Variants in PHYHIPL observed in about 807,000 individuals in gnomAD.
PHYHIPL encodes phytanoyl-CoA 2-hydroxylase interacting protein like.
Under a neutral mutation model 33.4 loss-of-function variants are expected in PHYHIPL, and 9 were observed. The ratio of observed to expected loss-of-function variants is 0.27; its 90% CI spans 0.16 to 0.47. The LOEUF (loss-of-function observed/expected upper bound fraction) is 0.47. Ranked by LOEUF, PHYHIPL falls within the 20% of genes least tolerant of loss-of-function variation. PHYHIPL has a pLI of 0.99. For missense variants in PHYHIPL, 365 were observed against 460.7 expected, an observed-to-expected ratio of 0.79 and a Z score of 1.90; for synonymous variants, 153 against 154.1, an observed-to-expected ratio of 0.99 and a Z score of 0.05.
intron 1 of PHYHIPL, among the ~76,000 whole-genome samples, chr10:59,182,146 A>G (rs923608648): frequency 1.1e-4 from 16 of 152,106 alleles, no homozygotes; most frequent in Non-Finnish European, 2.2e-4. Context: ...AAATCCTTCT[A>G]CTTTCTGGTT....
At chr10:59,206,724 G>A in intron 1 of PHYHIPL, 7 of 1,035,658 alleles carry the variant, frequency 6.8e-6, no homozygotes, top group South Asian at 1.6e-5. Flanking sequence ...ATAACTAAAA[G>A]CTGTTATGCA....
At position 59,186,199 on chromosome 10, in the gene PHYHIPL, C is replaced by T. The variant is rs1161688902; in HGVS notation, c.106+9240C>T. On this transcript the variant is annotated intron_variant, in intron 1 of 4. Transcript: ENST00000373880. Reference sequence around the variant, plus strand: ...TTCTCCATATGGCTAGCCAGTTTTCCCAGCACCATTTATTAAATAGGGAAT... The same window carrying T: ...TTCTCCATATGGCTAGCCAGTTTTCTCAGCACCATTTATTAAATAGGGAAT... Among the ~76,000 whole-genome samples the T allele has an allele frequency of 2.6e-5, 4 of 152,138 alleles. No homozygotes were observed. In the East Asian group the frequency reaches 7.7e-4, roughly 29 times the overall value.
At chr10:59,240,799 A>G (rs1336127323) in intron 4 of PHYHIPL, among the ~76,000 whole-genome samples, 1 of 151,936 alleles carries the variant, frequency 6.6e-6, no homozygotes, top group Non-Finnish European at 1.5e-5. Flanking sequence ...TCTCTCTGTG[A>G]TTTTTCTCTG....
intron 1 of PHYHIPL, among the ~76,000 whole-genome samples, chr10:59,229,755 G>T (rs1350335983): frequency 1.3e-5 from 2 of 152,172 alleles, no homozygotes; most frequent in African/African-American, 4.8e-5. Context: ...TTACTGCTCA[G>T]CATTTGCGTT....
intron 1 of PHYHIPL, among the ~76,000 whole-genome samples, chr10:59,230,876 G>T (rs527239980): frequency 5.3e-5 from 8 of 152,140 alleles, no homozygotes; most frequent in Admixed American, 2.0e-4. Flanking sequence ...TTGGCAATTT[G>T]TTGAAAGAGT....
rs149397359 is a variant in PHYHIPL, at chr10:59,225,751, G to A, written c.107-8553G>A. Among the ~76,000 whole-genome samples, 628 of 152,134 alleles carry A rather than the reference G, an allele frequency of 4.1e-3. 6 individuals carry two copies. Among genetic ancestry groups the A allele is most frequent in the African/African-American group, 0.011 (473 of 41,518 alleles). ...TCTTAACTAGAAAAATGAAACTTAT[G>A]TAACTACCCCTTCAGATTAAAATCT... On this transcript the variant is annotated intron_variant, in intron 1 of 4. Transcript: ENST00000373880.
At chr10:59,184,793 C>G (rs1371823894) in intron 1 of PHYHIPL, among the ~76,000 whole-genome samples, 1 of 141,900 alleles carries the variant, frequency 7.0e-6, no homozygotes, top group South Asian at 2.5e-4. Context: ...TGCTATCCCT[C>G]CCCCCCTCCC....
intron 1 of PHYHIPL, among the ~76,000 whole-genome samples, chr10:59,191,943 T>C (rs1240603753): frequency 6.6e-6 from 1 of 152,054 alleles, no homozygotes; most frequent in Non-Finnish European, 1.5e-5. Flanking sequence ...CATAGTAAAC[T>C]CTTAATCTGT....
At chr10:59,194,081 T>G (rs1399639030) in intron 1 of PHYHIPL, among the ~76,000 whole-genome samples, 5 of 105,446 alleles carry the variant, frequency 4.7e-5, no homozygotes, top group East Asian at 4.8e-4. Context: ...TACCTATATG[T>G]TTTTTTTTTT....
At chr10:59,198,541 A>G (rs1252637960) in intron 1 of PHYHIPL, among the ~76,000 whole-genome samples, 3 of 152,160 alleles carry the variant, frequency 2.0e-5, no homozygotes, top group East Asian at 1.9e-4. Flanking sequence ...TTATAGTAGC[A>G]TGATTTATAA....
At chr10:59,205,347 A>G (rs1036146389) in intron 1 of PHYHIPL, among the ~76,000 whole-genome samples, 3 of 152,174 alleles carry the variant, frequency 2.0e-5, no homozygotes, top group African/African-American at 7.2e-5. Flanking sequence ...AAAGGGAAGT[A>G]GTTGATTCAT....
chr10:59,194,813 T>C, intron 1 of PHYHIPL, among the ~76,000 whole-genome samples: 1 of 152,218 alleles, frequency 6.6e-6, no homozygotes. Flanking sequence ...ATTTTTAACT[T>C]CACCTATTTA....
intron 1 of PHYHIPL, among the ~76,000 whole-genome samples, chr10:59,200,054 C>G (rs982951156): frequency 1.3e-5 from 2 of 152,268 alleles, no homozygotes; most frequent in Admixed American, 1.3e-4. Context: ...TTATTTCTTT[C>G]TCTTGCCTGA....
chr10:59,185,493 C>T lies in PHYHIPL; in HGVS notation c.106+8534C>T, dbSNP rs1252220500. On this transcript the variant is annotated intron_variant, in intron 1 of 4. Coordinates refer to ENST00000373880, the MANE Select transcript of PHYHIPL (RefSeq NM_032439.4). Reference sequence around the variant, plus strand: ...GGGTATATACCCAGTAATGGGATGGCTGGGTCAAATGGTATTTCTAATTCT... The same window carrying T: ...GGGTATATACCCAGTAATGGGATGGTTGGGTCAAATGGTATTTCTAATTCT... Among the ~76,000 whole-genome samples, 11 of 152,172 alleles carry T rather than the reference C, an allele frequency of 7.2e-5. No homozygotes were observed. The South Asian group carries it at 1.5e-3, about 20-fold the overall frequency.
chr10:59,226,273 T>C (rs1402860560), intron 1 of PHYHIPL, among the ~76,000 whole-genome samples: 3 of 152,224 alleles, frequency 2.0e-5, no homozygotes, highest in Non-Finnish European at 4.4e-5. Flanking sequence ...TCTTTCAGAA[T>C]GTAAAGGAAA....
At chr10:59,176,255 C>A (rs1200771371), upstream of PHYHIPL, among the ~76,000 whole-genome samples, 1 of 152,186 alleles carries the variant, frequency 6.6e-6, no homozygotes, top group East Asian at 1.9e-4. Flanking sequence ...TGGTAAACAA[C>A]AAACATGCTC....
chr10:59,189,171 A>G (rs1396932898), intron 1 of PHYHIPL, among the ~76,000 whole-genome samples: 6 of 152,044 alleles, frequency 3.9e-5, no homozygotes, highest in African/African-American at 9.7e-5. Context: ...TCCATAGTCT[A>G]TCTCAAGCTG....
Position 59,238,682 on chromosome 10 carries a change from C to T in PHYHIPL, c.573C>T (p.His191=), listed in dbSNP as rs781586986. Residue 191 remains histidine (H), a synonymous_variant, in exon 4 of 5, where the codon CAC becomes CAT. Transcript: ENST00000373880. Reference sequence around the variant, plus strand: ...TTTCTGTTTTTTATCGTAATCAGCACAAAGAATATTTTGACTATGTTCGGT... The same window carrying T: ...TTTCTGTTTTTTATCGTAATCAGCATAAAGAATATTTTGACTATGTTCGGT... The part of the protein sequence containing the change: ...LKFSVFYRNQ[H]KEYFDYVREH... 6.3e-7 allele frequency: 1 copy of T among 1,590,410 alleles called. No individual in the cohort carries two copies. The highest frequency in any genetic ancestry group is 8.6e-7 in the Non-Finnish European group (1 of 1,159,222).
chr10:59,220,681 T>G (rs1470064787), intron 1 of PHYHIPL, among the ~76,000 whole-genome samples: 1 of 152,028 alleles, frequency 6.6e-6, no homozygotes, highest in Admixed American at 6.6e-5. Context: ...GTTAAGTGAT[T>G]TGCCCCCAAA....
Sources: gnomAD v4.1 joint callset for allele counts (sites outside exome capture counted in the v4.1 genomes callset) on GRCh38, gnomAD v4.1.1 for gene constraint, MANE v1.5 for transcripts, NCBI Gene and HGNC (gene_info 2026-07-23, HGNC 2026-07-21) for gene names.